The following IL2RA variants were observed in gnomAD, a reference collection of about 807,000 sequenced individuals.
IL2RA encodes interleukin 2 receptor subunit alpha, also known as interleukin-2 receptor subunit alpha.
IL2RA carries 24 observed loss-of-function variants against 37.8 expected under a neutral mutation model. The observed-to-expected ratio is 0.63, with a 90% CI of 0.46 to 0.89. The LOEUF (loss-of-function observed/expected upper bound fraction) is 0.89. Among genes scored for constraint, IL2RA ranks in the 40% least tolerant of loss-of-function variants. The pLI is 0.00. For missense variants in IL2RA, 319 were observed against 348.6 expected (o/e 0.92, Z 0.68); for synonymous variants, 125 against 114.6 (o/e 1.09, Z -0.58).
At chr10:6,059,993 C>T (rs1426092689) in intron 1 of IL2RA, among the ~76,000 whole-genome samples, 4 of 152,156 alleles carry the variant, frequency 2.6e-5, no homozygotes, top group East Asian at 3.9e-4. Flanking sequence ...TTGAGAATGG[C>T]GTGAAGGAGT....
rs1839662799 is a variant in IL2RA, at chr10:6,035,288, C to T, written c.65-9263G>A. Among the ~76,000 whole-genome samples, 1 of 152,186 alleles carries T rather than the reference C, an allele frequency of 6.6e-6. No individual in the cohort carries two copies. The highest frequency in any genetic ancestry group is 2.4e-5 in the African/African-American group (1 of 41,446). ...AGGGGACTTTCTGTTTGCCCTGGGT[C>T]TCCCTGTGTGGGCAGGGATGGAGAG... On this transcript the variant is annotated intron_variant, in intron 1 of 7. Transcript: ENST00000379959. The surrounding 1 kb of genome is among the most constrained non-coding windows in gnomAD (Gnocchi z 5.4).
Position 6,020,950 on chromosome 10 carries a change from T to TGC in IL2RA, c.583+527_583+528insGC, listed in dbSNP as rs1313702449. 3.4e-4 allele frequency among the ~76,000 whole-genome samples: 48 copies of TGC among 142,090 alleles called. 1 individual carries two copies. In the South Asian group the frequency reaches 3.6e-3, roughly 11 times the overall value. The allele number at this position is 142,090 out of a possible 152,430, so 93.2% of individuals were successfully genotyped here. On this transcript the variant is annotated intron_variant, in intron 4 of 7. Transcript: ENST00000379959. The surrounding 1 kb of genome is among the most constrained non-coding windows in gnomAD (Gnocchi z 5.6). The stretch of plus-strand genomic sequence containing the variant: ...ATGAGTATGTGTGTGTGTGTGTGTG[T>TGC]GTGCGCGCATGTGCACTGAGTAAGT...
chr10:6,035,617 C>T lies in IL2RA; in HGVS notation c.65-9592G>A, dbSNP rs974206267. Among the ~76,000 whole-genome samples, 58 of 152,188 alleles carry T rather than the reference C, an allele frequency of 3.8e-4. No individual in the cohort carries two copies. The highest frequency in any genetic ancestry group is 1.4e-3 in the African/African-American group (56 of 41,450). On this transcript the variant is annotated intron_variant, in intron 1 of 7. Transcript: ENST00000379959. The surrounding 1 kb of genome is among the most constrained non-coding windows in gnomAD (Gnocchi z 5.4). ...CTCCCAGGAGGAGAATCCTGAACCA[C>T]GGGCTCTGCGGTGATGTGGCCTTCC...
rs1015601894 is a variant in IL2RA at position 6,021,840 on chromosome 10, G to A, written c.368-147C>T. 2.4e-5 allele frequency: 17 copies of A among 713,680 alleles called. No individual in the cohort carries two copies. The highest frequency in any genetic ancestry group is 6.2e-5 in the Admixed American group (3 of 48,600). The allele number at this position is 713,680 out of a possible 1,614,324, so 44.2% of individuals were successfully genotyped here. A position where few individuals can be genotyped will look rare whatever the true frequency, so the allele number is the denominator to read the frequency against. ...CATTCAACCAATATATGTTGAGAACGTCTGAGCGTGGGGAAGTTTGCTAGG... is the reference window on the plus strand; with the variant it reads ...CATTCAACCAATATATGTTGAGAACATCTGAGCGTGGGGAAGTTTGCTAGG... On this transcript the variant is annotated intron_variant, in intron 3 of 7. Transcript: ENST00000379959. This position sits in a 1 kb window ranked among gnomAD's most constrained non-coding sequence, Gnocchi z 4.9.
At position 6,020,056 on chromosome 10, in the gene IL2RA, T is replaced by C. The variant is rs1009229114; in HGVS notation, c.584-115A>G. On this transcript the variant is annotated intron_variant, in intron 4 of 7. Transcript: ENST00000379959. This position sits in a 1 kb window ranked among gnomAD's most constrained non-coding sequence, Gnocchi z 5.6. ...GACACGCCCGAGGAGGCAGGAATCC[T>C]GGTGTGGGCACTTCGCCAGGGATGC... 2.4e-6 allele frequency: 2 copies of C among 841,676 alleles called. No individual in the cohort carries two copies. The highest frequency in any genetic ancestry group is 5.0e-5 in the East Asian group (2 of 40,346). 52.1% of individuals were successfully genotyped at this position (841,676 alleles called of 1,614,324 possible).
intron 1 of IL2RA, among the ~76,000 whole-genome samples, chr10:6,051,903 T>A (rs537156127): frequency 1.1e-4 from 16 of 143,964 alleles, no homozygotes; most frequent in Non-Finnish European, 1.8e-4. Context: ...TAAACTGGAC[T>A]AATACGATTC....
At chr10:6,052,505 C>T (rs1204428738) in intron 1 of IL2RA, among the ~76,000 whole-genome samples, 2 of 152,178 alleles carry the variant, frequency 1.3e-5, no homozygotes, top group African/African-American at 2.4e-5. Context: ...AACCAATAGC[C>T]GGAAGTCCTA....
Position 6,021,720 on chromosome 10 carries a change from G to A in IL2RA, c.368-27C>T. On this transcript the variant is annotated intron_variant, in intron 3 of 7. Transcript: ENST00000379959. The surrounding 1 kb of genome is among the most constrained non-coding windows in gnomAD (Gnocchi z 4.9). ...TGGAAGATGGAAGGAATGCTCTGAA[G>A]GCAAGTTGGGGACAGCACCGCGAGT... 2 of 1,601,644 alleles carry A rather than the reference G, an allele frequency of 1.2e-6. No homozygotes were observed. The highest frequency in any genetic ancestry group is 1.7e-6 in the Non-Finnish European group (2 of 1,168,960).
intron 1 of IL2RA, among the ~76,000 whole-genome samples, chr10:6,040,887 T>C (rs951906113): frequency 2.0e-5 from 3 of 152,212 alleles, no homozygotes; most frequent in Non-Finnish European, 4.4e-5. Context: ...AAGAGTTTCA[T>C]AAGGTGGCCA....
intron 1 of IL2RA, among the ~76,000 whole-genome samples, chr10:6,051,379 C>A (rs1839953130): frequency 6.6e-6 from 1 of 152,004 alleles, no homozygotes; most frequent in Non-Finnish European, 1.5e-5. Flanking sequence ...TCAAACGAAA[C>A]TTTTAGAAAT....
chr10:6,042,148 C>CAAAGAAAAAAAAAA (rs1839781686), intron 1 of IL2RA, among the ~76,000 whole-genome samples: 1 of 54,132 alleles, frequency 1.8e-5, no homozygotes, highest in Non-Finnish European at 3.1e-5. Flanking sequence ...ATGTATTAAG[C>CAAAGAAAAAAAAAA]AAAAAAAAAA....
At chr10:6,055,418 C>CTT (rs573415550) in intron 1 of IL2RA, among the ~76,000 whole-genome samples, 4 of 5,184 alleles carry the variant, frequency 7.7e-4, no homozygotes, top group African/African-American at 1.2e-3. Context: ...TTGGCCATCA[C>CTT]TTTTTTTTTT....
chr10:6,061,947 G>T, intron 1 of IL2RA, 141 bp downstream of exon 1: 1 of 687,514 alleles, frequency 1.5e-6, no homozygotes, highest in Non-Finnish European at 2.6e-6. Context: ...GGGTCCCCGT[G>T]GGTCACAGGC....
At chr10:6,038,840 CAG>C (rs747701802) in intron 1 of IL2RA, among the ~76,000 whole-genome samples, 2 of 151,696 alleles carry the variant, frequency 1.3e-5, no homozygotes, top group Non-Finnish European at 2.9e-5. Context: ...TCTAAAATGA[CAG>C]AGTAAAGTGA....
rs1351260963 is a variant in IL2RA, at chr10:6,044,509, A to G, written c.64+17579T>C. On this transcript the variant is annotated intron_variant, in intron 1 of 7. Coordinates refer to ENST00000379959, the MANE Select transcript of IL2RA (RefSeq NM_000417.3). This position sits in a 1 kb window ranked among gnomAD's most constrained non-coding sequence, Gnocchi z 4.5. ...GGTCACTGCTATGGAAAGGAGCAGGAACGCCTGGGTGTTGCCATGGCAATG... is the reference window on the plus strand; with the variant it reads ...GGTCACTGCTATGGAAAGGAGCAGGGACGCCTGGGTGTTGCCATGGCAATG... 6.6e-6 allele frequency among the ~76,000 whole-genome samples: 1 copy of G among 152,206 alleles called. No homozygotes were observed. Among genetic ancestry groups the G allele is most frequent in the Non-Finnish European group, 1.5e-5 (1 of 68,038 alleles).
At chr10:6,042,774 C>T (rs1839792035) in intron 1 of IL2RA, among the ~76,000 whole-genome samples, 1 of 152,044 alleles carries the variant, frequency 6.6e-6, no homozygotes, top group Admixed American at 6.5e-5. Context: ...TTCTCAATAT[C>T]ACCAGGTATC....
Position 6,028,065 on chromosome 10 carries a change from T to C in IL2RA, c.65-2040A>G, listed in dbSNP as rs1431143304. Among the ~76,000 whole-genome samples, 1 of 152,174 alleles carries C rather than the reference T, an allele frequency of 6.6e-6. No homozygotes were observed. The highest frequency in any genetic ancestry group is 1.5e-5 in the Non-Finnish European group (1 of 68,026). ...TGCTGAACAACAGGCAGCTCAGGGCTACATGATTTTGGAGGAGGGAAACAC... is the reference window on the plus strand; with the variant it reads ...TGCTGAACAACAGGCAGCTCAGGGCCACATGATTTTGGAGGAGGGAAACAC... On this transcript the variant is annotated intron_variant, in intron 1 of 7. Transcript: ENST00000379959. The surrounding 1 kb of genome is among the most constrained non-coding windows in gnomAD (Gnocchi z 4.1).
intron 3 of IL2RA, among the ~76,000 whole-genome samples, chr10:6,023,667 T>A (rs1445258763): frequency 2.0e-5 from 3 of 152,132 alleles, no homozygotes; most frequent in Non-Finnish European, 4.4e-5. Context: ...GAATCCCAAT[T>A]CAGTCGTGGG....
In IL2RA at chr10:6,058,120, C is replaced by T. The variant is rs1321823022; in HGVS notation, c.64+3968G>A. Among the ~76,000 whole-genome samples the T allele has an allele frequency of 6.6e-6, 1 of 152,014 alleles. No individual in the cohort carries two copies. Among genetic ancestry groups the T allele is most frequent in the African/African-American group, 2.4e-5 (1 of 41,370 alleles). On this transcript the variant is annotated intron_variant, in intron 1 of 7. Coordinates refer to ENST00000379959, the MANE Select transcript of IL2RA (RefSeq NM_000417.3). The surrounding 1 kb of genome is among the most constrained non-coding windows in gnomAD (Gnocchi z 4.2). ...CCAGCCTGAGTGACAGAGTGAGACCCTGTCTCAAAAAGGAAGAGAAAAAAA... is the reference window on the plus strand; with the variant it reads ...CCAGCCTGAGTGACAGAGTGAGACCTTGTCTCAAAAAGGAAGAGAAAAAAA...
Sources: gnomAD v4.1 joint callset for allele counts (sites outside exome capture counted in the v4.1 genomes callset) on GRCh38, gnomAD v4.1.1 for gene constraint, Gnocchi (gnomAD v3.1) non-coding constraint, MANE v1.5 for transcripts, NCBI Gene and HGNC (gene_info 2026-07-23, HGNC 2026-07-21) for gene names.